The following RAP1A variants were observed in gnomAD, a reference collection of about 807,000 sequenced individuals.
RAP1A encodes ras-related protein Rap-1A.
A neutral mutation model predicts 26.4 loss-of-function variants in RAP1A; 6 were observed. The ratio of observed to expected loss-of-function variants is 0.23; its 90% confidence interval spans 0.12 to 0.45. The LOEUF (loss-of-function observed/expected upper bound fraction) is 0.45. Ranked by LOEUF, RAP1A falls within the 20% of genes least tolerant of loss-of-function variation. The probability of loss-of-function intolerance (pLI) is 0.99; values close to 1 mark genes in which losing one functional copy is unlikely to be tolerated. For synonymous variants in RAP1A, 73 were observed against 79.4 expected (o/e 0.92, Z 0.43); for missense variants, 121 against 217.2 (o/e 0.56, Z 2.78).
intron 1 of RAP1A, among the ~76,000 whole-genome samples, chr1:111,545,108 T>C (rs942626124): frequency 4.0e-5 from 6 of 148,516 alleles, no homozygotes; most frequent in African/African-American, 1.5e-4. Context: ...GTATATCCAA[T>C]TTGGTATATA....
At chr1:111,642,397 C>A (rs1433773781) in intron 1 of RAP1A, among the ~76,000 whole-genome samples, 1 of 151,958 alleles carries the variant, frequency 6.6e-6, no homozygotes, top group African/African-American at 2.4e-5. Flanking sequence ...TAGTTTATTC[C>A]TTTCTTGTAG....
chr1:111,662,020 C>G (rs915175121), intron 1 of RAP1A, among the ~76,000 whole-genome samples: 1 of 152,064 alleles, frequency 6.6e-6, no homozygotes, highest in Non-Finnish European at 1.5e-5. Context: ...CTTCTAGATC[C>G]TGTTCAAACT....
At chr1:111,615,488 C>A (rs1008535227), upstream of RAP1A, among the ~76,000 whole-genome samples, 15 of 152,080 alleles carry the variant, frequency 9.9e-5, no homozygotes, top group African/African-American at 3.6e-4. Context: ...TCCAATATAG[C>A]AGCTCCTAAT....
rs1230828491 is a variant in RAP1A at position 111,698,021 on chromosome 1, G to A, written c.183+524G>A. On this transcript the variant is annotated intron_variant, in intron 4 of 7. Transcript: ENST00000369709. ...TGTTAGTACATCATAAGGTGTTTGT[G>A]ATAAGCAAATGAGTTAATAATTATA... 2.6e-5 allele frequency among the ~76,000 whole-genome samples: 4 copies of A among 152,152 alleles called. No individual in the cohort carries two copies. In the East Asian group the frequency reaches 7.7e-4, roughly 29 times the overall value.
At chr1:111,611,517 G>C (rs1460842055) in intron 1 of RAP1A, among the ~76,000 whole-genome samples, 1 of 152,018 alleles carries the variant, frequency 6.6e-6, no homozygotes, top group African/African-American at 2.4e-5. Context: ...AATGAATAAC[G>C]GTTTATCTTT....
At chr1:111,644,538 C>T (rs563066838) in intron 1 of RAP1A, among the ~76,000 whole-genome samples, 1 of 152,266 alleles carries the variant, frequency 6.6e-6, no homozygotes, top group Non-Finnish European at 1.5e-5. Context: ...GATTGACATT[C>T]TCACCACAAC....
chr1:111,660,136 T>C (rs998804789), intron 1 of RAP1A, among the ~76,000 whole-genome samples: 3 of 152,236 alleles, frequency 2.0e-5, no homozygotes, highest in Non-Finnish European at 2.9e-5. Flanking sequence ...TTTGAAAATG[T>C]GTGCATTTCT....
At chr1:111,709,285 C>A (rs754049992) in intron 7 of RAP1A, 21 bp downstream of exon 7, 3 of 1,559,898 alleles carry the variant, frequency 1.9e-6, no homozygotes, top group East Asian at 2.3e-5. Context: ...AAAAGCAGAA[C>A]AAGTGCCTTT....
chr1:111,661,164 A>G (rs1194354671), intron 1 of RAP1A, among the ~76,000 whole-genome samples: 2 of 152,254 alleles, frequency 1.3e-5, no homozygotes, highest in African/African-American at 4.8e-5. Context: ...CCAACTGTGC[A>G]GACCCTTGTA....
intron 1 of RAP1A, chr1:111,563,864 C>T (rs1437321007): frequency 1.2e-6 from 2 of 1,613,228 alleles, no homozygotes; most frequent in East Asian, 2.2e-5. Context: ...AGGACTCAAG[C>T]AGCCCAGTGT....
intron 7 of RAP1A, among the ~76,000 whole-genome samples, chr1:111,710,280 A>C (rs1433794321): frequency 6.6e-6 from 1 of 152,138 alleles, no homozygotes; most frequent in African/African-American, 2.4e-5. Flanking sequence ...GTATTAGTTG[A>C]CTTTACCATT....
In RAP1A at chr1:111,633,518, C is replaced by T. The variant is rs189882315; in HGVS notation, c.-28+13584C>T. On this transcript the variant is annotated intron_variant, in intron 1 of 7. Transcript: ENST00000369709. ...ACCTTTATTTGCATGTTTAGATTTTCATATATTAGGTTATTTCGGTAGTGT... is the reference window on the plus strand; with the variant it reads ...ACCTTTATTTGCATGTTTAGATTTTTATATATTAGGTTATTTCGGTAGTGT... 2.0e-5 allele frequency among the ~76,000 whole-genome samples: 3 copies of T among 152,250 alleles called. No homozygotes were observed. The East Asian group carries it at 5.8e-4, about 29-fold the overall frequency.
chr1:111,545,589 T>G (rs931458326), intron 1 of RAP1A, among the ~76,000 whole-genome samples: 3 of 152,168 alleles, frequency 2.0e-5, no homozygotes, highest in Non-Finnish European at 4.4e-5. Flanking sequence ...TTTACTTTCT[T>G]GCTAGTGCCC....
intron 1 of RAP1A, chr1:111,649,276 C>T: frequency 2.1e-6 from 1 of 470,470 alleles, no homozygotes; most frequent in Admixed American, 2.4e-5. Flanking sequence ...TTCTCGGTTT[C>T]CAGGCTCTCA....
chr1:111,565,433 A>G (rs1657897051), intron 1 of RAP1A, among the ~76,000 whole-genome samples: 1 of 152,234 alleles, frequency 6.6e-6, no homozygotes, highest in South Asian at 2.1e-4. Context: ...AAGAACAGAG[A>G]CAAGTAAGCA....
chr1:111,685,127 G>A (rs1326030127), intron 1 of RAP1A, among the ~76,000 whole-genome samples: 1 of 152,134 alleles, frequency 6.6e-6, no homozygotes, highest in African/African-American at 2.4e-5. Flanking sequence ...ATTAAGTCAA[G>A]ATGGATTAAA....
intron 1 of RAP1A, among the ~76,000 whole-genome samples, chr1:111,689,922 C>A (rs12738965): frequency 6.6e-6 from 1 of 152,126 alleles, no homozygotes; most frequent in East Asian, 1.9e-4. Context: ...GTGATCCACC[C>A]GCCTCGACCT....
chr1:111,604,111 G>C (rs956742771), intron 1 of RAP1A, among the ~76,000 whole-genome samples: 1 of 152,222 alleles, frequency 6.6e-6, no homozygotes, highest in Non-Finnish European at 1.5e-5. Context: ...TGAATGCGGA[G>C]GAAGTGGGTA....
chr1:111,565,828 T>C (rs533611832), intron 1 of RAP1A, among the ~76,000 whole-genome samples: 46 of 152,242 alleles, frequency 3.0e-4, no homozygotes, highest in Non-Finnish European at 6.0e-4. Context: ...TAAATAAATA[T>C]GTGGCTCACA....
Sources: allele counts gnomAD v4.1 joint callset (sites outside exome capture counted in the v4.1 genomes callset), GRCh38; gene constraint gnomAD v4.1.1; transcripts MANE v1.5; gene names NCBI Gene and HGNC (gene_info 2026-07-23, HGNC 2026-07-21).